STAG2: variants seen among roughly 807,000 people sequenced by gnomAD.
STAG2 encodes STAG2 cohesin complex component.
A neutral mutation model predicts 108.1 loss-of-function variants in STAG2; 14 were observed. That is an observed-to-expected ratio of 0.13 (90% confidence interval 0.09 to 0.20). STAG2 has a LOEUF of 0.20. Ranked by LOEUF, STAG2 falls within the 10% of genes least tolerant of loss-of-function variation. The pLI, the probability that STAG2 is intolerant of heterozygous loss-of-function variation, is 1.00. For synonymous variants in STAG2, 307 were observed against 302.7 expected (o/e 1.01, Z -0.15); for missense variants, 440 against 940.9 (o/e 0.47, Z 6.96).
chrX:124,078,813 A>G (rs945740574), intron 27 of STAG2, among the ~76,000 whole-genome samples: 3 of 109,296 alleles, frequency 2.7e-5, no homozygotes, highest in African/African-American at 1.0e-4. Flanking sequence ...TACTAAAAAT[A>G]CAAAAATTAG....
At chrX:124,024,840 G>A (rs1310361913) in intron 3 of STAG2, among the ~76,000 whole-genome samples, 5 of 111,337 alleles carry the variant, frequency 4.5e-5, no homozygotes, top group Admixed American at 3.9e-4. Flanking sequence ...CACATTTAGG[G>A]TGGAAAAACC....
At chrX:124,058,823 A>G (rs2058294334) in intron 15 of STAG2, among the ~76,000 whole-genome samples, 1 of 112,165 alleles carries the variant, frequency 8.9e-6, no homozygotes, top group Admixed American at 9.4e-5. Flanking sequence ...TTCATATTAC[A>G]TACTATTATT....
intron 4 of STAG2, among the ~76,000 whole-genome samples, chrX:124,029,313 G>A (rs1602935578): frequency 2.9e-5 from 3 of 102,438 alleles, no homozygotes; most frequent in African/African-American, 3.6e-5. Context: ...CACTGCGCCC[G>A]GCCTATTTAT....
At chrX:123,964,718 G>T in intron 1 of STAG2, among the ~76,000 whole-genome samples, 1 of 101,133 alleles carries the variant, frequency 9.9e-6, no homozygotes. Flanking sequence ...GGTGGAGTGG[G>T]TTTTTTTTTT....
chrX:124,032,458 A>G (rs1314913376), intron 5 of STAG2, among the ~76,000 whole-genome samples: 2 of 111,688 alleles, frequency 1.8e-5, no homozygotes, highest in African/African-American at 6.5e-5. Context: ...TAATTTATAA[A>G]AGCTACAGGC....
Position 124,051,099 on chromosome X carries a change from CTTTTTTTT to C in STAG2, c.1018-10_1018-3del. 9.5e-6 allele frequency: 5 copies of C among 525,580 alleles called. No homozygotes were observed. The highest frequency in any genetic ancestry group is 4.4e-5 in the Admixed American group (1 of 22,986). The allele number at this position is 525,580 out of a possible 1,213,427, so 43.3% of individuals were successfully genotyped here. A position where few individuals can be genotyped will look rare whatever the true frequency, so the allele number is the denominator to read the frequency against. ...ATAGAGTTTTAATGCATTGTCTCAT[CTTTTTTTT>C]TTTTTTTTTTTAGCAAGGTGAAGTA... On this transcript the variant is annotated splice_polypyrimidine_tract_variant and intron_variant, in intron 11 of 34. Transcript: ENST00000371145.
chrX:124,036,017 A>G (rs1465925551), intron 5 of STAG2, among the ~76,000 whole-genome samples: 1 of 112,417 alleles, frequency 8.9e-6, no homozygotes, highest in Non-Finnish European at 1.9e-5. Flanking sequence ...TATTGCCTAT[A>G]TCATATTTGG....
chrX:124,061,690 T>G, intron 16 of STAG2, 81 bp from the exon 17 acceptor site: 1 of 733,305 alleles, frequency 1.4e-6, no homozygotes, highest in Non-Finnish European at 1.9e-6. Flanking sequence ...GAAACTGTTA[T>G]GTAATAATTA....
intron 1 of STAG2, among the ~76,000 whole-genome samples, chrX:124,009,443 G>GATAGATAGA (rs2056441641): frequency 2.8e-3 from 179 of 63,586 alleles, no homozygotes; most frequent in Middle Eastern, 7.9e-3. Flanking sequence ...AGGTAGGTAG[G>GATAGATAGA]TAGATAGATA....
intron 1 of STAG2, among the ~76,000 whole-genome samples, chrX:123,999,528 C>T (rs1284507337): frequency 9.0e-6 from 1 of 111,561 alleles, no homozygotes; most frequent in Non-Finnish European, 1.9e-5. Flanking sequence ...ACTGCAATCT[C>T]CCAACTTGTG....
intron 1 of STAG2, among the ~76,000 whole-genome samples, chrX:124,001,942 A>G (rs1260348528): frequency 8.9e-6 from 1 of 112,233 alleles, no homozygotes; most frequent in Non-Finnish European, 1.9e-5. Context: ...TCAAGATAAC[A>G]TCATGGCTGG....
At chrX:124,006,193 G>A (rs2056280049) in intron 1 of STAG2, among the ~76,000 whole-genome samples, 1 of 111,067 alleles carries the variant, frequency 9.0e-6, no homozygotes, top group African/African-American at 3.3e-5. Flanking sequence ...TTGCTTTCAT[G>A]TTTTGGCTAT....
chrX:124,029,011 A>ATT lies in STAG2; in HGVS notation c.124-1949_124-1948insTT, dbSNP rs1426991796. 6.8e-3 allele frequency among the ~76,000 whole-genome samples: 557 copies of ATT among 82,458 alleles called. 6 individuals carry two copies. Among genetic ancestry groups the ATT allele is most frequent in the African/African-American group, 0.013 (284 of 21,816 alleles). 71.6% of individuals were successfully genotyped at this position (82,458 alleles called of 115,157 possible). On this transcript the variant is annotated intron_variant, in intron 4 of 34. Coordinates refer to ENST00000371145, the MANE Select transcript of STAG2 (RefSeq NM_001042750.2). ...TATATATATATATATATATATATAT[A>ATT]TATTTATTTATTTATTTATTTTTGA...
intron 1 of STAG2, among the ~76,000 whole-genome samples, chrX:123,992,095 C>G (rs1243497331): frequency 1.8e-5 from 2 of 111,957 alleles, no homozygotes; most frequent in African/African-American, 6.5e-5. Context: ...GGGACTTGAG[C>G]AACTATGGAT....
upstream of STAG2, chrX:123,961,002 C>G (rs1417060272): frequency 8.9e-6 from 1 of 112,178 alleles, no homozygotes; most frequent in Non-Finnish European, 1.9e-5. Flanking sequence ...GTTGGGCACT[C>G]TGTTGCCATT....
At chrX:124,045,486 T>C (rs984617604) in intron 8 of STAG2, 118 bp downstream of exon 8, 1 of 624,874 alleles carries the variant, frequency 1.6e-6, no homozygotes, top group African/African-American at 2.3e-5. Context: ...AAGTGACCAC[T>C]AAGAGGACAC....
intron 30 of STAG2, among the ~76,000 whole-genome samples, chrX:124,089,597 G>A (rs1431563466): frequency 1.8e-5 from 2 of 110,513 alleles, no homozygotes; most frequent in African/African-American, 6.6e-5. Flanking sequence ...TTTGCTCACC[G>A]GTATTCTGTT....
intron 1 of STAG2, among the ~76,000 whole-genome samples, chrX:124,012,174 G>A (rs1411606898): frequency 1.8e-5 from 2 of 111,980 alleles, no homozygotes; most frequent in African/African-American, 3.2e-5. Context: ...TATTTTAAAT[G>A]TTTTAAATGA....
chrX:123,975,763 G>A (rs1001388058), intron 1 of STAG2, among the ~76,000 whole-genome samples: 41 of 111,938 alleles, frequency 3.7e-4, no homozygotes, highest in Non-Finnish European at 6.6e-4. Context: ...CATGCCCTGC[G>A]GAATATGTAC....
Sources: gnomAD v4.1 joint callset for allele counts (sites outside exome capture counted in the v4.1 genomes callset) on GRCh38, gnomAD v4.1.1 for gene constraint, MANE v1.5 for transcripts, NCBI Gene and HGNC (gene_info 2026-07-23, HGNC 2026-07-21) for gene names.